DENND10: variants seen among roughly 807,000 people sequenced by gnomAD.
The protein encoded by DENND10 is DENN domain-containing protein 10.
A neutral mutation model predicts 43.6 loss-of-function variants in DENND10; 24 were observed. The ratio of observed to expected loss-of-function variants is 0.55; its 90% confidence interval spans 0.40 to 0.77. DENND10 has a LOEUF of 0.77. Ranked by LOEUF, DENND10 falls within the 30% of genes least tolerant of loss-of-function variation. The probability of loss-of-function intolerance (pLI) is 0.00; values close to 1 mark genes in which losing one functional copy is unlikely to be tolerated. For synonymous variants in DENND10, 125 were observed against 157.6 expected (o/e 0.79, Z 1.55); for missense variants, 303 against 429.9 (o/e 0.70, Z 2.61).
At chr10:119,118,007 A>C (rs1487331228) in intron 4 of DENND10, among the ~76,000 whole-genome samples, 1 of 151,888 alleles carries the variant, frequency 6.6e-6, no homozygotes. Context: ...TAAAAACAAA[A>C]CCCTTCCAAC....
At position 119,136,931 on chromosome 10, in the gene DENND10, A is replaced by C. The variant is rs1207489668; in HGVS notation, c.*284A>C. On this transcript the variant is annotated 3_prime_UTR_variant, in exon 9 of 9. Transcript: ENST00000361432. ...GCTAGAGGTCCTGGGGTAAGAGAAA[A>C]AAAGCACATCACAACAAATGTGAAA... 3.0e-6 allele frequency: 1 copy of C among 333,118 alleles called. No homozygotes were observed. The highest frequency in any genetic ancestry group is 5.9e-5 in the East Asian group (1 of 17,010). 20.6% of individuals were successfully genotyped at this position (333,118 alleles called of 1,614,324 possible).
chr10:119,126,263 T>C (rs1031427616), intron 6 of DENND10, among the ~76,000 whole-genome samples: 1 of 152,220 alleles, frequency 6.6e-6, no homozygotes, highest in African/African-American at 2.4e-5. Context: ...GCAGTGAACA[T>C]GGGAATGGTG....
chr10:119,118,837 ATTTT>A (rs33924884), intron 4 of DENND10, among the ~76,000 whole-genome samples: 17 of 84,216 alleles, frequency 2.0e-4, no homozygotes, highest in Middle Eastern at 6.1e-3. Context: ...TGCCCAGCTA[ATTTT>A]TTTTTTTTTT....
chr10:119,120,270 AAAG>A, intron 4 of DENND10, 68 bp from the exon 5 acceptor site: 1 of 1,042,438 alleles, frequency 9.6e-7, no homozygotes. Context: ...AAAAAGAAAA[AAAG>A]AAAAAAAAAT....
chr10:119,109,637 T>TA (rs1259381779), intron 2 of DENND10, among the ~76,000 whole-genome samples: 1 of 151,634 alleles, frequency 6.6e-6, no homozygotes, highest in African/African-American at 2.4e-5. Flanking sequence ...TTTTTTTTTT[T>TA]ACGGGAGTTT....
At chr10:119,121,460 T>C (rs1190070080) in intron 5 of DENND10, among the ~76,000 whole-genome samples, 1 of 147,886 alleles carries the variant, frequency 6.8e-6, no homozygotes, top group African/African-American at 2.5e-5. Flanking sequence ...TTTTTTTTTT[T>C]TTTTTTTGGA....
intron 4 of DENND10, 70 bp downstream of exon 4, chr10:119,117,737 G>A: frequency 9.6e-6 from 14 of 1,463,848 alleles, no homozygotes; most frequent in Non-Finnish European, 1.3e-5. Context: ...GGAGGCCAAG[G>A]CGGGTGGATC....
rs1433787274 is a variant in DENND10, at chr10:119,123,482, C to G, written c.607C>G (p.Leu203Val). 6.2e-7 allele frequency: 1 copy of G among 1,613,578 alleles called. No individual in the cohort carries two copies. Among genetic ancestry groups the G allele is most frequent in the Non-Finnish European group, 8.5e-7 (1 of 1,179,738 alleles). Residue 203 changes from leucine (L) to valine (V), a missense_variant, in exon 6 of 9, where the codon CTG becomes GTG. Transcript: ENST00000361432. ...TTGATTCCCCAGGACTCTGCCTGCCCTGGTGTGGCACCGACAGGACTGGAC... is the reference window on the plus strand; with the variant it reads ...TTGATTCCCCAGGACTCTGCCTGCCGTGGTGTGGCACCGACAGGACTGGAC... ...VQEFTRTLPA[L>V]VWHRQDWTIL...
intron 3 of DENND10, among the ~76,000 whole-genome samples, chr10:119,117,054 A>G (rs1845322335): frequency 6.6e-6 from 1 of 152,084 alleles, no homozygotes; most frequent in Non-Finnish European, 1.5e-5. Flanking sequence ...TTCTACATGA[A>G]AAGATTCAAG....
chr10:119,113,128 G>A (rs558813768), intron 3 of DENND10, among the ~76,000 whole-genome samples: 1 of 151,082 alleles, frequency 6.6e-6, no homozygotes, highest in South Asian at 2.1e-4. Context: ...TGGGATTATA[G>A]GCGTGAGCCA....
At chr10:119,130,184 T>C (rs1846017905) in intron 7 of DENND10, among the ~76,000 whole-genome samples, 1 of 151,334 alleles carries the variant, frequency 6.6e-6, no homozygotes, top group Non-Finnish European at 1.5e-5. Context: ...TTTTTTTTTT[T>C]GAGATGGAGT....
chr10:119,111,716 G>A (rs1844985509), intron 2 of DENND10, 133 bp from the exon 3 acceptor site: 3 of 635,510 alleles, frequency 4.7e-6, no homozygotes, highest in African/African-American at 3.7e-5. Flanking sequence ...AAGCAAGTGA[G>A]GACTTGTTAA....
intron 6 of DENND10, among the ~76,000 whole-genome samples, chr10:119,124,923 TA>T (rs1397670764): frequency 6.6e-6 from 1 of 152,064 alleles, no homozygotes. Context: ...AAATAAAATT[TA>T]AAAAATGCAA....
intron 6 of DENND10, among the ~76,000 whole-genome samples, chr10:119,125,988 A>C (rs1845812718): frequency 1.3e-5 from 2 of 150,808 alleles, no homozygotes. Context: ...CCACCATTCT[A>C]CTCTCTATCT....
At chr10:119,122,623 T>G (rs1248090508) in intron 5 of DENND10, among the ~76,000 whole-genome samples, 1 of 152,186 alleles carries the variant, frequency 6.6e-6, no homozygotes, top group Non-Finnish European at 1.5e-5. Flanking sequence ...CTGAGATATT[T>G]AGCAGGGCAC....
chr10:119,104,343 G>A (rs1010304733), intron 1 of DENND10, 146 bp downstream of exon 1: 17 of 700,732 alleles, frequency 2.4e-5, no homozygotes, highest in Non-Finnish European at 3.5e-5. Flanking sequence ...CCTGGACTGG[G>A]GACTGCGGAG....
intron 6 of DENND10, among the ~76,000 whole-genome samples, chr10:119,129,229 C>A (rs1357616221): frequency 6.6e-6 from 1 of 152,170 alleles, no homozygotes; most frequent in African/African-American, 2.4e-5. Context: ...TACCTTCTGC[C>A]ACAGCTGTCA....
At chr10:119,130,072 T>A (rs1846012955) in intron 7 of DENND10, among the ~76,000 whole-genome samples, 1 of 152,138 alleles carries the variant, frequency 6.6e-6, no homozygotes. Context: ...TGGCCTGATT[T>A]TGGCTCACTG....
intron 5 of DENND10, among the ~76,000 whole-genome samples, chr10:119,121,481 C>G (rs1845574986): frequency 7.4e-6 from 1 of 135,432 alleles, no homozygotes; most frequent in African/African-American, 2.8e-5. Context: ...GGCAGAATCT[C>G]TCGCTTTGTC....
Sources: gnomAD v4.1 joint callset for allele counts (sites outside exome capture counted in the v4.1 genomes callset) on GRCh38, gnomAD v4.1.1 for gene constraint, MANE v1.5 for transcripts, NCBI Gene and HGNC (gene_info 2026-07-23, HGNC 2026-07-21) for gene names.